MACROD2: variants seen among roughly 807,000 people sequenced by gnomAD.
MACROD2 encodes mono-ADP ribosylhydrolase 2.
A neutral mutation model predicts 70.4 loss-of-function variants in MACROD2; 36 were observed. The observed-to-expected ratio is 0.51, with a 90% confidence interval of 0.39 to 0.68. The LOEUF (loss-of-function observed/expected upper bound fraction) is 0.68, where lower values mean the gene tolerates loss of function less well. Ranked by LOEUF, MACROD2 falls within the 30% of genes least tolerant of loss-of-function variation. The pLI is 0.00. For synonymous variants in MACROD2, 172 were observed against 178.8 expected (o/e 0.96, Z 0.30); for missense variants, 496 against 538.4 (o/e 0.92, Z 0.78).
At chr20:14,637,521 G>A (rs1208645318) in intron 4 of MACROD2, among the ~76,000 whole-genome samples, 1 of 152,208 alleles carries the variant, frequency 6.6e-6, no homozygotes, top group African/African-American at 2.4e-5. Context: ...CTCCCACCTT[G>A]TGTAGTATTT....
At chr20:15,425,043 C>T (rs944059498) in intron 6 of MACROD2, among the ~76,000 whole-genome samples, 15 of 152,250 alleles carry the variant, frequency 9.9e-5, no homozygotes, top group African/African-American at 2.2e-4. Context: ...AAGAGCTACG[C>T]GCAAAACTTT....
At chr20:14,789,460 A>ATT (rs3045609) in intron 5 of MACROD2, among the ~76,000 whole-genome samples, 2,419 of 47,830 alleles carry the variant, frequency 0.051, 506 homozygotes, top group East Asian at 0.08. Flanking sequence ...GGTAGTGCAA[A>ATT]TTTTTTTTTT....
intron 5 of MACROD2, among the ~76,000 whole-genome samples, chr20:14,704,972 A>G (rs1303538056): frequency 6.6e-6 from 1 of 151,186 alleles, no homozygotes; most frequent in Non-Finnish European, 1.5e-5. Context: ...TTTTCAATAC[A>G]TTTAATAGTA....
chr20:14,794,422 C>T (rs903037384), intron 5 of MACROD2, among the ~76,000 whole-genome samples: 1 of 152,108 alleles, frequency 6.6e-6, no homozygotes, highest in African/African-American at 2.4e-5. Context: ...GGGAAATTAA[C>T]TTGTCATTCT....
At chr20:15,487,957 T>C (rs550006166) in intron 7 of MACROD2, among the ~76,000 whole-genome samples, 36 of 152,296 alleles carry the variant, frequency 2.4e-4, no homozygotes, top group African/African-American at 8.4e-4. Context: ...ATCATGCACC[T>C]GTCTGTGCCT....
At chr20:15,266,864 G>A (rs2077299475) in intron 6 of MACROD2, among the ~76,000 whole-genome samples, 2 of 152,166 alleles carry the variant, frequency 1.3e-5, no homozygotes, top group Admixed American at 6.5e-5. Flanking sequence ...CTCTGCTTCC[G>A]TTTCTATGCA....
chr20:15,233,250 T>A (rs2076974642), intron 6 of MACROD2, among the ~76,000 whole-genome samples: 1 of 152,196 alleles, frequency 6.6e-6, no homozygotes, highest in Non-Finnish European at 1.5e-5. Flanking sequence ...ATAATTAATT[T>A]TCTAATACAT....
At chr20:14,223,199 G>C (rs1468867607) in intron 3 of MACROD2, 5 of 152,482 alleles carry the variant, frequency 3.3e-5, no homozygotes, top group Non-Finnish European at 7.3e-5. Flanking sequence ...GGGACTACTA[G>C]TTTGCCTAAT....
intron 4 of MACROD2, among the ~76,000 whole-genome samples, chr20:14,684,577 C>G (rs909931701): frequency 1.6e-4 from 24 of 152,008 alleles, no homozygotes; most frequent in Non-Finnish European, 2.9e-4. Flanking sequence ...ATTCTCCCAC[C>G]CCAGAGAACC....
chr20:14,561,576 G>A (rs1450836223), intron 4 of MACROD2, among the ~76,000 whole-genome samples: 4 of 151,562 alleles, frequency 2.6e-5, no homozygotes, highest in Admixed American at 1.3e-4. Context: ...TTGTTCATTT[G>A]GGGGGTAAAC....
At position 15,937,567 on chromosome 20, in the gene MACROD2, T is replaced by A. The variant is rs1483441079; in HGVS notation, c.907+23T>A. 5 of 1,603,608 alleles carry A rather than the reference T, an allele frequency of 3.1e-6. No individual in the cohort carries two copies. In the African/African-American group the frequency reaches 6.7e-5, roughly 21 times the overall value. ...AAGGTATGAGGCTACTAACTATATC[T>A]AATAATTGCAGACTCTTAAAAGAGA... On this transcript the variant is annotated intron_variant, in intron 12 of 17. Coordinates refer to ENST00000684519, the MANE Select transcript of MACROD2 (RefSeq NM_001351661.2).
intron 5 of MACROD2, among the ~76,000 whole-genome samples, chr20:14,721,437 G>C (rs1242854095): frequency 3.9e-5 from 6 of 151,968 alleles, no homozygotes; most frequent in Non-Finnish European, 1.5e-5. Flanking sequence ...AACTCAAGGA[G>C]TTAATTTACA....
intron 5 of MACROD2, among the ~76,000 whole-genome samples, chr20:14,773,939 C>T (rs1675686976): frequency 1.3e-5 from 2 of 152,194 alleles, no homozygotes; most frequent in South Asian, 4.1e-4. Flanking sequence ...TCAGTGAGAA[C>T]TACCACCTGA....
At chr20:15,590,877 AAAAG>A (rs765593180) in intron 8 of MACROD2, among the ~76,000 whole-genome samples, 33 of 151,924 alleles carry the variant, frequency 2.2e-4, no homozygotes, top group Non-Finnish European at 2.9e-4. Context: ...TGTCAAAAAA[AAAAG>A]AAAGAAAGAG....
At chr20:15,209,658 C>T (rs1300652717) in intron 5 of MACROD2, among the ~76,000 whole-genome samples, 1 of 152,208 alleles carries the variant, frequency 6.6e-6, no homozygotes, top group Non-Finnish European at 1.5e-5. Flanking sequence ...GAAACCTTCC[C>T]AGCATTTCTT....
intron 8 of MACROD2, among the ~76,000 whole-genome samples, chr20:15,534,429 A>G (rs2047846547): frequency 6.6e-6 from 1 of 152,244 alleles, no homozygotes; most frequent in Non-Finnish European, 1.5e-5. Context: ...ACCCAGTTCC[A>G]TTGGTTGGTT....
intron 5 of MACROD2, among the ~76,000 whole-genome samples, chr20:14,989,888 G>C (rs1192016060): frequency 6.6e-6 from 1 of 152,014 alleles, no homozygotes; most frequent in Admixed American, 6.6e-5. Flanking sequence ...ACTGCTGCCT[G>C]GAATTTTCTA....
intron 5 of MACROD2, among the ~76,000 whole-genome samples, chr20:14,943,207 C>A (rs1003503885): frequency 1.3e-5 from 2 of 152,028 alleles, no homozygotes; most frequent in Admixed American, 6.6e-5. Context: ...CAGATATTTG[C>A]GAAGTGTAGA....
At position 15,387,141 on chromosome 20, in the gene MACROD2, G is replaced by A. The variant is rs554299342; in HGVS notation, c.541-44264G>A. Among the ~76,000 whole-genome samples the A allele has an allele frequency of 3.3e-5, 5 of 152,252 alleles. No individual in the cohort carries two copies. In the East Asian group the frequency reaches 9.7e-4, roughly 29 times the overall value. ...CAAACTGGCAGAAATAATACAGTTA[G>A]ACTTAGGAAAGACCTAGAATGCAGG... On this transcript the variant is annotated intron_variant, in intron 6 of 17. Transcript: ENST00000684519.
Sources: allele counts gnomAD v4.1 joint callset (sites outside exome capture counted in the v4.1 genomes callset), GRCh38; gene constraint gnomAD v4.1.1; transcripts MANE v1.5; gene names NCBI Gene and HGNC (gene_info 2026-07-23, HGNC 2026-07-21).